Variants in SCAI observed in about 807,000 individuals in gnomAD.
SCAI encodes the protein protein SCAI.
SCAI carries 24 observed loss-of-function variants against 92.2 expected under a neutral mutation model. That is an observed-to-expected ratio of 0.26 (90% CI 0.19 to 0.37). The LOEUF (loss-of-function observed/expected upper bound fraction) is 0.37, where lower values mean the gene tolerates loss of function less well. SCAI is among the 10% of genes least tolerant of loss of function. The pLI is 1.00. For missense variants in SCAI, 450 were observed against 736.2 expected (o/e 0.61, Z 4.50); for synonymous variants, 261 against 258.6 (o/e 1.01, Z -0.09).
intron 2 of SCAI, among the ~76,000 whole-genome samples, chr9:125,098,412 T>G (rs1021283173): frequency 3.3e-5 from 5 of 152,100 alleles, no homozygotes; most frequent in Admixed American, 2.6e-4. Context: ...GGATGGTAAA[T>G]CTGGATTACA....
rs905800719 is a variant in SCAI, at chr9:125,001,862, G to A, written c.1144+103C>T. The A allele has an allele frequency of 6.7e-5, 50 of 749,424 alleles. No individual in the cohort carries two copies. The Admixed American group carries it at 1.2e-3, about 18-fold the overall frequency. The allele number at this position is 749,424 out of a possible 1,614,324, so 46.4% of individuals were successfully genotyped here. On this transcript the variant is annotated intron_variant, in intron 12 of 17. Coordinates refer to ENST00000336505, the MANE Select transcript of SCAI (RefSeq NM_001144877.3). ...GACCAGGTTTCAAATTTGGAAGTCT[G>A]TCTAGAAAGGCTGAGATGGTCTGTG...
At chr9:124,984,970 C>T (rs1000082104) in intron 14 of SCAI, among the ~76,000 whole-genome samples, 5 of 152,118 alleles carry the variant, frequency 3.3e-5, no homozygotes, top group African/African-American at 4.8e-5. Context: ...AACTCTTGCC[C>T]TGAATCAATC....
intron 14 of SCAI, among the ~76,000 whole-genome samples, chr9:124,985,638 C>T (rs1028643531): frequency 5.3e-5 from 8 of 152,044 alleles, no homozygotes; most frequent in Non-Finnish European, 8.8e-5. Context: ...GAGGCAGAGG[C>T]GGGCAGATCA....
intron 3 of SCAI, among the ~76,000 whole-genome samples, chr9:125,052,939 G>T (rs1415723964): frequency 6.6e-6 from 1 of 151,976 alleles, no homozygotes. Flanking sequence ...AAGTGTTGAT[G>T]AGAATGAGGA....
intron 9 of SCAI, among the ~76,000 whole-genome samples, chr9:125,004,272 T>C (rs1832426223): frequency 6.6e-6 from 1 of 151,808 alleles, no homozygotes; most frequent in Non-Finnish European, 1.5e-5. Context: ...GTGTAGGTAG[T>C]GTGCTATGTG....
intron 9 of SCAI, among the ~76,000 whole-genome samples, chr9:125,012,071 A>C (rs1832652473): frequency 6.6e-6 from 1 of 152,248 alleles, no homozygotes; most frequent in Non-Finnish European, 1.5e-5. Flanking sequence ...TAGCCACTGC[A>C]AAATCATGCC....
chr9:125,021,955 C>A (rs995042463), intron 6 of SCAI, among the ~76,000 whole-genome samples: 1 of 152,086 alleles, frequency 6.6e-6, no homozygotes, highest in Non-Finnish European at 1.5e-5. Context: ...TTAGACAACA[C>A]ACACTTTATT....
At chr9:125,043,953 T>C (rs1210046043) in intron 3 of SCAI, among the ~76,000 whole-genome samples, 1 of 152,128 alleles carries the variant, frequency 6.6e-6, no homozygotes, top group African/African-American at 2.4e-5. Context: ...GCTGCAGCTT[T>C]GGACCCATGC....
intron 2 of SCAI, among the ~76,000 whole-genome samples, chr9:125,060,101 T>C (rs1833743163): frequency 6.6e-6 from 1 of 152,180 alleles, no homozygotes; most frequent in African/African-American, 2.4e-5. Flanking sequence ...TTATTTGTTT[T>C]TTGAAAAGTC....
intron 14 of SCAI, among the ~76,000 whole-genome samples, chr9:124,981,083 C>T (rs967432977): frequency 6.6e-6 from 1 of 152,118 alleles, no homozygotes; most frequent in Non-Finnish European, 1.5e-5. Context: ...ACTGCCCACA[C>T]AGATGAAGTG....
At chr9:125,050,592 G>A (rs1455558862) in intron 3 of SCAI, among the ~76,000 whole-genome samples, 1 of 152,080 alleles carries the variant, frequency 6.6e-6, no homozygotes, top group African/African-American at 2.4e-5. Context: ...TTTTATAAAA[G>A]GGACAAGGTC....
At chr9:125,132,190 T>C (rs117271519) in intron 2 of SCAI, among the ~76,000 whole-genome samples, 13,859 of 151,914 alleles carry the variant, frequency 0.091, 855 homozygotes, top group Non-Finnish European at 0.13. Context: ...CTTGGCTCAC[T>C]GCAACCACCA....
chr9:124,962,806 CT>C (rs575698965), intron 17 of SCAI, among the ~76,000 whole-genome samples: 117 of 143,384 alleles, frequency 8.2e-4, no homozygotes, highest in Admixed American at 7.7e-4. Context: ...CTTTCTTTTT[CT>C]TTTTTTTTTT....
intron 15 of SCAI, chr9:124,975,139 G>T (rs1831729772): frequency 3.2e-6 from 1 of 311,774 alleles, no homozygotes; most frequent in African/African-American, 2.2e-5. Flanking sequence ...CAAAGCAGGA[G>T]AATTTTACCG....
intron 17 of SCAI, among the ~76,000 whole-genome samples, chr9:124,959,042 C>T (rs1403498849): frequency 2.6e-5 from 4 of 151,684 alleles, no homozygotes; most frequent in Non-Finnish European, 5.9e-5. Flanking sequence ...TTGCATTGAA[C>T]TAAACTTTTA....
At chr9:125,138,186 C>T (rs1835579951) in intron 2 of SCAI, among the ~76,000 whole-genome samples, 2 of 151,546 alleles carry the variant, frequency 1.3e-5, no homozygotes, top group African/African-American at 4.9e-5. Flanking sequence ...TTATTGTGTA[C>T]CTTCTATGTG....
rs114260534 is a variant in SCAI at position 125,128,836 on chromosome 9, G to T, written c.98+13797C>A. Among the ~76,000 whole-genome samples the T allele has an allele frequency of 8.0e-3, 1,218 of 152,058 alleles. 19 individuals are homozygous for T. Among genetic ancestry groups the T allele is most frequent in the African/African-American group, 0.028 (1,141 of 41,470 alleles). ...CCAGCATTTTGGGAGTCTGAGGCAGGTCTATCACCTGAGGTCAGGAGTTCA... is the reference window on the plus strand; with the variant it reads ...CCAGCATTTTGGGAGTCTGAGGCAGTTCTATCACCTGAGGTCAGGAGTTCA... On this transcript the variant is annotated intron_variant, in intron 2 of 17. Transcript: ENST00000336505.
At chr9:125,090,634 T>G (rs781365845) in intron 2 of SCAI, among the ~76,000 whole-genome samples, 5 of 152,168 alleles carry the variant, frequency 3.3e-5, no homozygotes, top group Admixed American at 6.5e-5. Flanking sequence ...TGGAGCCTCA[T>G]GACTTATTCT....
chr9:125,121,181 G>A (rs7019288), intron 2 of SCAI, among the ~76,000 whole-genome samples: 65,252 of 150,354 alleles, frequency 0.43, 14,551 homozygotes, highest in East Asian at 0.53. Flanking sequence ...ATCCTTAAAA[G>A]TGAAATAGTG....
Sources: allele counts gnomAD v4.1 joint callset (sites outside exome capture counted in the v4.1 genomes callset), GRCh38; gene constraint gnomAD v4.1.1; transcripts MANE v1.5; gene names NCBI Gene and HGNC (gene_info 2026-07-23, HGNC 2026-07-21).